BMPR1B: variants seen among roughly 807,000 people sequenced by gnomAD.
The protein encoded by BMPR1B is bone morphogenetic protein receptor type 1B.
In BMPR1B, 12 loss-of-function variants were observed where a neutral mutation model predicts 59.1. The observed-to-expected ratio is 0.20, with a 90% CI of 0.13 to 0.33. The LOEUF (loss-of-function observed/expected upper bound fraction) is 0.33, where lower values mean the gene tolerates loss of function less well. Among genes scored for constraint, BMPR1B ranks in the 10% least tolerant of loss-of-function variants. The pLI is 1.00. For synonymous variants in BMPR1B, 237 were observed against 207.3 expected, an observed-to-expected ratio of 1.14 and a Z score of -1.23; for missense variants, 550 against 610.9, an observed-to-expected ratio of 0.90 and a Z score of 1.05.
intron 2 of BMPR1B, among the ~76,000 whole-genome samples, chr4:94,985,291 G>GT: frequency 6.6e-6 from 1 of 152,088 alleles, no homozygotes; most frequent in Non-Finnish European, 1.5e-5. Context: ...GATCATTTCA[G>GT]TATTTAAAGT....
rs1215986817 is a variant in BMPR1B at position 94,976,727 on chromosome 4, A to G, written c.-112-19313A>G. Reference sequence around the variant, plus strand: ...CACACTAAACATTCAATGGTGGGGCAAGCATAGGAAAATTCTATAGTTCTT... The same window carrying G: ...CACACTAAACATTCAATGGTGGGGCGAGCATAGGAAAATTCTATAGTTCTT... On this transcript the variant is annotated intron_variant, in intron 2 of 12. Transcript: ENST00000515059. 2.0e-5 allele frequency among the ~76,000 whole-genome samples: 3 copies of G among 152,316 alleles called. No homozygotes were observed. In the East Asian group the frequency reaches 5.8e-4, roughly 29 times the overall value.
Position 94,871,818 on chromosome 4 carries a change from T to G in BMPR1B, c.-182-4013T>G, listed in dbSNP as rs569385381. On this transcript the variant is annotated intron_variant, in intron 1 of 12. Coordinates refer to ENST00000515059, the MANE Select transcript of BMPR1B (RefSeq NM_001203.3). ...GCTATTTTGAGTGTTGATGCATTACTGAAATACTTTAAGGCCTTCCTTAGT... is the reference window on the plus strand; with the variant it reads ...GCTATTTTGAGTGTTGATGCATTACGGAAATACTTTAAGGCCTTCCTTAGT... Among the ~76,000 whole-genome samples the G allele has an allele frequency of 2.6e-5, 4 of 152,356 alleles. No homozygotes were observed. The South Asian group carries it at 8.3e-4, about 32-fold the overall frequency.
chr4:94,839,887 A>G (rs1385329227), intron 1 of BMPR1B, among the ~76,000 whole-genome samples: 1 of 151,492 alleles, frequency 6.6e-6, no homozygotes, highest in Admixed American at 6.6e-5. Flanking sequence ...ATGATTTTGC[A>G]GTGGCTGGTA....
At chr4:94,960,695 T>C (rs1200720906) in intron 2 of BMPR1B, among the ~76,000 whole-genome samples, 1 of 148,224 alleles carries the variant, frequency 6.7e-6, no homozygotes, top group Non-Finnish European at 1.5e-5. Flanking sequence ...TTATACAGGC[T>C]AACAATCCAG....
chr4:94,800,655 T>G (rs1186425326), intron 1 of BMPR1B, among the ~76,000 whole-genome samples: 1 of 152,146 alleles, frequency 6.6e-6, no homozygotes, highest in Admixed American at 6.5e-5. Context: ...TGGACTTTGG[T>G]GTCCTCAGCA....
intron 2 of BMPR1B, among the ~76,000 whole-genome samples, chr4:94,889,898 C>G (rs921891897): frequency 2.0e-5 from 3 of 151,820 alleles, no homozygotes; most frequent in African/African-American, 7.3e-5. Flanking sequence ...GCTTTTTTTG[C>G]CCTTATATAC....
intron 3 of BMPR1B, among the ~76,000 whole-genome samples, chr4:95,038,770 T>C (rs1159098780): frequency 1.3e-5 from 2 of 152,230 alleles, no homozygotes; most frequent in African/African-American, 4.8e-5. Flanking sequence ...TAATGAGATG[T>C]AGTGAGGACT....
At chr4:94,995,064 A>G (rs1425791613) in intron 2 of BMPR1B, among the ~76,000 whole-genome samples, 2 of 152,196 alleles carry the variant, frequency 1.3e-5, no homozygotes, top group South Asian at 2.1e-4. Context: ...ATCTTTGACA[A>G]GAAGTAAAAA....
intron 3 of BMPR1B, among the ~76,000 whole-genome samples, chr4:95,087,364 ATG>A (rs149996410): frequency 6.6e-6 from 1 of 151,486 alleles, no homozygotes; most frequent in Non-Finnish European, 1.5e-5. Flanking sequence ...CTAGAGATAG[ATG>A]TGTGTGTGTG....
intron 3 of BMPR1B, among the ~76,000 whole-genome samples, chr4:95,060,617 C>G (rs973969313): frequency 6.6e-6 from 1 of 152,154 alleles, no homozygotes; most frequent in Non-Finnish European, 1.5e-5. Context: ...ATTTCTGTCT[C>G]CAAATAGTCA....
chr4:95,005,786 C>CT, intron 3 of BMPR1B, among the ~76,000 whole-genome samples: 1 of 151,940 alleles, frequency 6.6e-6, no homozygotes, highest in Non-Finnish European at 1.5e-5. Context: ...TTAGAAAACT[C>CT]TTTTTGTGTG....
chr4:94,975,363 G>T (rs75313230), intron 2 of BMPR1B, among the ~76,000 whole-genome samples: 19,652 of 111,838 alleles, frequency 0.18, 2,102 homozygotes, highest in South Asian at 0.32. Context: ...TTTTGTTTTT[G>T]TTTTTTTTTT....
At chr4:95,097,684 T>C (rs1177284526) in intron 3 of BMPR1B, among the ~76,000 whole-genome samples, 6 of 152,116 alleles carry the variant, frequency 3.9e-5, no homozygotes, top group South Asian at 4.1e-4. Flanking sequence ...ACTACAGGCA[T>C]GTGCCACCAT....
chr4:94,849,881 C>T (rs1466266821), intron 1 of BMPR1B, among the ~76,000 whole-genome samples: 1 of 151,758 alleles, frequency 6.6e-6, no homozygotes, highest in African/African-American at 2.4e-5. Flanking sequence ...CGCTTAGAAA[C>T]CAAGTGCAAG....
At chr4:94,914,433 A>G (rs1326263592) in intron 2 of BMPR1B, among the ~76,000 whole-genome samples, 1 of 152,168 alleles carries the variant, frequency 6.6e-6, no homozygotes, top group Non-Finnish European at 1.5e-5. Context: ...AAAGAGTATT[A>G]ATTGAGTGAT....
At chr4:95,034,193 T>G (rs1725069223) in intron 3 of BMPR1B, among the ~76,000 whole-genome samples, 1 of 152,208 alleles carries the variant, frequency 6.6e-6, no homozygotes. Context: ...GTCACCAAGC[T>G]TAGCATATAT....
chr4:95,099,533 T>A (rs1730668548), intron 3 of BMPR1B, among the ~76,000 whole-genome samples: 1 of 152,196 alleles, frequency 6.6e-6, no homozygotes, highest in South Asian at 2.1e-4. Context: ...ATGCAGGATT[T>A]TCATGTATTT....
At chr4:94,789,383 G>C (rs953822995) in intron 1 of BMPR1B, among the ~76,000 whole-genome samples, 2 of 152,130 alleles carry the variant, frequency 1.3e-5, no homozygotes, top group African/African-American at 4.8e-5. Context: ...TCAACTTCCA[G>C]TGGTTTGGCC....
Position 95,154,710 on chromosome 4 carries a change from A to G in BMPR1B, c.*37A>G, listed in dbSNP as rs751594392. The stretch of plus-strand genomic sequence containing the variant: ...AAGTAAGCATCTCTGCAGAAAGCCA[A>G]CAGGTACTCTTCTGTTTGTGGGCAG... On this transcript the variant is annotated 3_prime_UTR_variant, in exon 13 of 13. Transcript: ENST00000515059. The G allele has an allele frequency of 3.0e-5, 49 of 1,612,292 alleles. No individual in the cohort carries two copies. The highest frequency in any genetic ancestry group is 3.5e-5 in the Non-Finnish European group (41 of 1,178,680).
Sources: allele counts gnomAD v4.1 joint callset (sites outside exome capture counted in the v4.1 genomes callset), GRCh38; gene constraint gnomAD v4.1.1; transcripts MANE v1.5; gene names NCBI Gene and HGNC (gene_info 2026-07-23, HGNC 2026-07-21).